The following DIAPH2 variants were observed in gnomAD, a reference collection of about 807,000 sequenced individuals.
DIAPH2 encodes protein diaphanous homolog 2.
A neutral mutation model predicts 92.7 loss-of-function variants in DIAPH2; 35 were observed. The ratio of observed to expected loss-of-function variants is 0.38; its 90% CI spans 0.29 to 0.50. The LOEUF (loss-of-function observed/expected upper bound fraction) is 0.50, where lower values mean the gene tolerates loss of function less well. DIAPH2 is among the 20% of genes least tolerant of loss of function. DIAPH2 has a pLI of 0.94. For missense variants in DIAPH2, 701 were observed against 819.5 expected, an observed-to-expected ratio of 0.86 and a Z score of 1.77; for synonymous variants, 301 against 280.4, an observed-to-expected ratio of 1.07 and a Z score of -0.73.
At chrX:97,158,467 G>A (rs2067341298) in intron 22 of DIAPH2, among the ~76,000 whole-genome samples, 1 of 111,865 alleles carries the variant, frequency 8.9e-6, no homozygotes, top group African/African-American at 3.3e-5. Flanking sequence ...GCCAGCTATC[G>A]AAATGTGCAG....
chrX:97,056,955 G>T (rs1302554810), intron 17 of DIAPH2, among the ~76,000 whole-genome samples: 1 of 111,868 alleles, frequency 8.9e-6, no homozygotes, highest in Non-Finnish European at 1.9e-5. Flanking sequence ...GGTCTGAGCC[G>T]AAGCTTTTGT....
chrX:96,945,214 A>G (rs1490310035), intron 13 of DIAPH2, among the ~76,000 whole-genome samples: 1 of 111,024 alleles, frequency 9.0e-6, no homozygotes, highest in African/African-American at 3.3e-5. Flanking sequence ...CCACCTCTCC[A>G]CCCATAATAA....
chrX:97,231,731 C>T (rs924118874), intron 22 of DIAPH2, among the ~76,000 whole-genome samples: 38 of 110,532 alleles, frequency 3.4e-4, no homozygotes, highest in African/African-American at 1.3e-3. Flanking sequence ...ATCTGCATTC[C>T]CTCAGAGAGA....
At chrX:97,495,118 T>C (rs1024208471) in intron 26 of DIAPH2, among the ~76,000 whole-genome samples, 3 of 112,383 alleles carry the variant, frequency 2.7e-5, no homozygotes, top group Admixed American at 9.4e-5. Context: ...AAGTGATATT[T>C]TTCAGTGCTG....
At chrX:97,176,652 C>T (rs1439923729) in intron 22 of DIAPH2, among the ~76,000 whole-genome samples, 1 of 110,980 alleles carries the variant, frequency 9.0e-6, no homozygotes, top group Non-Finnish European at 1.9e-5. Flanking sequence ...CTCAGCCTCC[C>T]GAGTAGCTGG....
chrX:97,309,528 A>G (rs751318260), intron 23 of DIAPH2, among the ~76,000 whole-genome samples: 10 of 112,317 alleles, frequency 8.9e-5, no homozygotes, highest in Admixed American at 6.7e-4. Flanking sequence ...ACTTTGTCAT[A>G]TAAGAACCTA....
At chrX:97,463,243 A>G (rs970322116) in intron 26 of DIAPH2, among the ~76,000 whole-genome samples, 3 of 98,815 alleles carry the variant, frequency 3.0e-5, no homozygotes, top group South Asian at 5.0e-4. Flanking sequence ...TCCCAATTCT[A>G]TGTTCCTGTG....
chrX:96,871,353 C>T (rs1354213845), intron 4 of DIAPH2, among the ~76,000 whole-genome samples: 1 of 107,016 alleles, frequency 9.3e-6, no homozygotes, highest in African/African-American at 3.4e-5. Flanking sequence ...GCCTGTAGTC[C>T]CAGTTACTCG....
intron 17 of DIAPH2, among the ~76,000 whole-genome samples, chrX:96,993,039 A>G (rs1417055470): frequency 8.9e-6 from 1 of 112,559 alleles, no homozygotes; most frequent in East Asian, 2.8e-4. Context: ...AATTTCAACA[A>G]AGTATTTACA....
intron 26 of DIAPH2, among the ~76,000 whole-genome samples, chrX:97,556,554 C>A (rs771210417): frequency 7.1e-5 from 8 of 112,049 alleles, no homozygotes; most frequent in Non-Finnish European, 1.5e-4. Flanking sequence ...TGGTTCCCAA[C>A]AAACCTTGGC....
At chrX:97,531,052 T>TA (rs747529516) in intron 26 of DIAPH2, among the ~76,000 whole-genome samples, 137 of 111,239 alleles carry the variant, frequency 1.2e-3, no homozygotes, top group African/African-American at 4.4e-3. Flanking sequence ...GGAAGGTGAC[T>TA]ATGGAAACAT....
intron 24 of DIAPH2, among the ~76,000 whole-genome samples, chrX:97,364,759 GTTTTTTT>G (rs11286549): frequency 3.0e-3 from 168 of 56,570 alleles, no homozygotes; most frequent in African/African-American, 9.6e-3. Flanking sequence ...GTCTCCTGGT[GTTTTTTT>G]TTTTTTTTTT....
intron 19 of DIAPH2, among the ~76,000 whole-genome samples, chrX:97,084,228 GA>G (rs2066767711): frequency 9.0e-6 from 1 of 111,109 alleles, no homozygotes; most frequent in Admixed American, 9.6e-5. Flanking sequence ...ATGAATGGGA[GA>G]AAGTTACCTA....
chrX:97,331,957 A>C (rs1159823212), intron 23 of DIAPH2, among the ~76,000 whole-genome samples: 3 of 111,531 alleles, frequency 2.7e-5, no homozygotes, highest in African/African-American at 9.7e-5. Flanking sequence ...TTTATTTCAG[A>C]GTAACATGTC....
At chrX:97,198,021 C>G (rs757613573) in intron 22 of DIAPH2, among the ~76,000 whole-genome samples, 1 of 110,876 alleles carries the variant, frequency 9.0e-6, no homozygotes, top group Non-Finnish European at 1.9e-5. Context: ...CTTTATAGGA[C>G]TCAGAAAGAG....
At position 96,852,346 on chromosome X, in the gene DIAPH2, C is replaced by G. The variant is rs2065011471; in HGVS notation, c.448-29233C>G. Among the ~76,000 whole-genome samples the G allele has an allele frequency of 4.5e-5, 5 of 112,230 alleles. No individual in the cohort carries two copies. In the Admixed American group the frequency reaches 4.7e-4, roughly 11 times the overall value. On this transcript the variant is annotated intron_variant, in intron 4 of 26. Coordinates refer to ENST00000324765, the MANE Select transcript of DIAPH2 (RefSeq NM_006729.5). ...TACTAAAACTATGTTTTTAGACATA[C>G]TCTTTAATATATTCATGTGAAGTTT...
intron 9 of DIAPH2, among the ~76,000 whole-genome samples, chrX:96,920,592 T>C (rs2065535964): frequency 8.9e-6 from 1 of 111,961 alleles, no homozygotes; most frequent in Non-Finnish European, 1.9e-5. Flanking sequence ...TTTGAACCCA[T>C]GTCTTTGTGA....
intron 17 of DIAPH2, among the ~76,000 whole-genome samples, chrX:96,980,086 C>T: frequency 9.0e-6 from 1 of 111,602 alleles, no homozygotes. Context: ...TTATAGCCAT[C>T]TGCAGATGGC....
At chrX:97,552,837 A>G (rs1025783004) in intron 26 of DIAPH2, among the ~76,000 whole-genome samples, 1 of 111,931 alleles carries the variant, frequency 8.9e-6, no homozygotes, top group African/African-American at 3.2e-5. Context: ...CTTAAGCTGG[A>G]TAAATTAATT....
Sources: allele counts gnomAD v4.1 joint callset (sites outside exome capture counted in the v4.1 genomes callset), GRCh38; gene constraint gnomAD v4.1.1; transcripts MANE v1.5; gene names NCBI Gene and HGNC (gene_info 2026-07-23, HGNC 2026-07-21).